LTBP1: variants seen among roughly 807,000 people sequenced by gnomAD.
LTBP1 encodes latent transforming growth factor beta binding protein 1, also known as latent-transforming growth factor beta-binding protein 1.
Under a neutral mutation model 207.6 loss-of-function variants are expected in LTBP1, and 129 were observed. The ratio of observed to expected loss-of-function variants is 0.62; its 90% CI spans 0.54 to 0.72. The LOEUF (loss-of-function observed/expected upper bound fraction) is 0.72. LTBP1 is among the 30% of genes least tolerant of loss of function. The pLI is 0.00. For missense variants in LTBP1, 2,281 were observed against 2,217.2 expected (o/e 1.03, Z -0.58); for synonymous variants, 963 against 833.7 (o/e 1.16, Z -2.67).
chr2:33,198,211 C>T (rs976926159), intron 7 of LTBP1, among the ~76,000 whole-genome samples: 6 of 152,174 alleles, frequency 3.9e-5, no homozygotes, highest in African/African-American at 4.8e-5. Flanking sequence ...TATTGATTTG[C>T]GTATATTGAA....
intron 2 of LTBP1, among the ~76,000 whole-genome samples, chr2:32,973,685 A>T (rs560738097): frequency 6.6e-6 from 1 of 152,150 alleles, no homozygotes; most frequent in East Asian, 1.9e-4. Context: ...AATAGGTCTT[A>T]TTCATTCTTT....
intron 5 of LTBP1, among the ~76,000 whole-genome samples, chr2:33,141,170 C>A (rs1056293073): frequency 6.6e-6 from 1 of 152,166 alleles, no homozygotes; most frequent in Admixed American, 6.5e-5. Context: ...CTCAAAGATG[C>A]TAAGTCAAAT....
chr2:33,280,231 G>T (rs2148549785), intron 19 of LTBP1, 73 bp downstream of exon 19: 1 of 1,385,072 alleles, frequency 7.2e-7, no homozygotes, highest in African/African-American at 1.5e-5. Flanking sequence ...GTGGTGTAAT[G>T]CCAATGGAGC....
intron 2 of LTBP1, among the ~76,000 whole-genome samples, chr2:32,991,967 A>C (rs1260025499): frequency 6.6e-6 from 1 of 152,192 alleles, no homozygotes; most frequent in Non-Finnish European, 1.5e-5. Context: ...ATTGGTCTCC[A>C]CTTGTAGATG....
At chr2:33,233,923 T>C (rs1215655116) in intron 9 of LTBP1, among the ~76,000 whole-genome samples, 2 of 152,098 alleles carry the variant, frequency 1.3e-5, no homozygotes, top group African/African-American at 2.4e-5. Flanking sequence ...GTTAAGTACA[T>C]TGGAGACAAC....
intron 3 of LTBP1, among the ~76,000 whole-genome samples, chr2:33,091,756 T>C (rs1558625419): frequency 6.6e-6 from 1 of 152,200 alleles, no homozygotes; most frequent in South Asian, 2.1e-4. Context: ...ATCTGTCCTA[T>C]TTGTGTCTCT....
intron 3 of LTBP1, among the ~76,000 whole-genome samples, chr2:33,036,548 C>A (rs1051185566): frequency 3.9e-5 from 6 of 151,942 alleles, no homozygotes; most frequent in Non-Finnish European, 8.8e-5. Flanking sequence ...ACCTCCGCCT[C>A]CTGGGTTCAA....
At chr2:33,112,423 A>G (rs937992460) in intron 4 of LTBP1, among the ~76,000 whole-genome samples, 3 of 152,252 alleles carry the variant, frequency 2.0e-5, no homozygotes, top group Admixed American at 6.5e-5. Context: ...TTTCCCGCTC[A>G]TCCTGTTTAA....
chr2:33,372,281 T>C (rs573736047), intron 31 of LTBP1, among the ~76,000 whole-genome samples: 81 of 152,294 alleles, frequency 5.3e-4, no homozygotes, highest in African/African-American at 1.9e-3. Flanking sequence ...TTAAATAGTC[T>C]CCCTTAGAAC....
chr2:33,373,618 G>T (rs1317487808), intron 31 of LTBP1, among the ~76,000 whole-genome samples: 1 of 151,990 alleles, frequency 6.6e-6, no homozygotes, highest in East Asian at 1.9e-4. Context: ...TATCATTACT[G>T]TATATAAATT....
chr2:33,016,505 A>T (rs1688399148), intron 2 of LTBP1, among the ~76,000 whole-genome samples: 1 of 152,018 alleles, frequency 6.6e-6, no homozygotes, highest in Non-Finnish European at 1.5e-5. Context: ...CCCGCTAGAG[A>T]TTCTGATTTA....
At chr2:33,296,225 T>C (rs1294500653) in intron 20 of LTBP1, among the ~76,000 whole-genome samples, 1 of 152,032 alleles carries the variant, frequency 6.6e-6, no homozygotes, top group African/African-American at 2.4e-5. Context: ...CATCCTAATC[T>C]GCCTAATTTT....
chr2:33,386,545 C>T (rs192233152), intron 31 of LTBP1, among the ~76,000 whole-genome samples: 2 of 152,176 alleles, frequency 1.3e-5, no homozygotes. Flanking sequence ...AGTACCTTGG[C>T]CAAGCACGGC....
intron 26 of LTBP1, among the ~76,000 whole-genome samples, chr2:33,351,628 G>A (rs542911326): frequency 4.1e-4 from 62 of 152,158 alleles, no homozygotes; most frequent in African/African-American, 1.5e-3. Context: ...CTGAAATCAG[G>A]CCCTCTGACT....
At chr2:33,394,253 C>G (rs1265113204) in intron 32 of LTBP1, among the ~76,000 whole-genome samples, 1 of 152,122 alleles carries the variant, frequency 6.6e-6, no homozygotes, top group African/African-American at 2.4e-5. Context: ...GTTGCCTGTT[C>G]ACTCTGATGG....
At chr2:33,151,825 G>T (rs67748005) in intron 5 of LTBP1, among the ~76,000 whole-genome samples, 7 of 718 alleles carry the variant, frequency 9.7e-3, no homozygotes, top group African/African-American at 0.018. Flanking sequence ...ATTCCATTTT[G>T]TGTGTGTGTG....
intron 7 of LTBP1, among the ~76,000 whole-genome samples, chr2:33,210,574 A>C (rs1445456551): frequency 6.6e-6 from 1 of 152,228 alleles, no homozygotes; most frequent in Non-Finnish European, 1.5e-5. Context: ...CTTTGAGAAA[A>C]GGAACTATGA....
intron 2 of LTBP1, among the ~76,000 whole-genome samples, chr2:32,953,669 C>T (rs1036204670): frequency 1.3e-5 from 2 of 152,172 alleles, no homozygotes; most frequent in African/African-American, 2.4e-5. Flanking sequence ...CCGCCCGCCC[C>T]CTGCCTGCTC....
intron 9 of LTBP1, among the ~76,000 whole-genome samples, chr2:33,243,304 T>C (rs74591245): frequency 0.019 from 2,969 of 152,328 alleles, 92 homozygotes; most frequent in African/African-American, 0.067. Context: ...TTCATATGTA[T>C]AGTTAGACTG....
Sources: gnomAD v4.1 joint callset for allele counts (sites outside exome capture counted in the v4.1 genomes callset) on GRCh38, gnomAD v4.1.1 for gene constraint, MANE v1.5 for transcripts, NCBI Gene and HGNC (gene_info 2026-07-23, HGNC 2026-07-21) for gene names.